Variants in WWC2 observed in about 807,000 individuals in gnomAD.
WWC2 encodes WW and C2 domain containing 2, also known as protein WWC2.
A neutral mutation model predicts 138.5 loss-of-function variants in WWC2; 101 were observed. The observed-to-expected ratio is 0.73, with a 90% confidence interval of 0.62 to 0.86. The LOEUF is 0.86. Ranked by LOEUF, WWC2 falls within the 40% of genes least tolerant of loss-of-function variation. The pLI is 0.00. For missense variants in WWC2, 1,420 were observed against 1,419.4 expected (o/e 1.00, Z -0.01); for synonymous variants, 558 against 538.4 (o/e 1.04, Z -0.50).
At chr4:183,204,750 C>A (rs1735397774) in intron 2 of WWC2, among the ~76,000 whole-genome samples, 1 of 152,174 alleles carries the variant, frequency 6.6e-6, no homozygotes, top group African/African-American at 2.4e-5. Flanking sequence ...AAAGAGCTTT[C>A]TTCTTGCTCT....
chr4:183,114,187 C>T (rs912221151), intron 1 of WWC2, among the ~76,000 whole-genome samples: 4 of 152,104 alleles, frequency 2.6e-5, no homozygotes, highest in African/African-American at 9.7e-5. Flanking sequence ...CTCCTCCCCC[C>T]GCCATCCTCT....
At chr4:183,159,452 C>A (rs531882623) in intron 1 of WWC2, among the ~76,000 whole-genome samples, 37 of 152,152 alleles carry the variant, frequency 2.4e-4, no homozygotes, top group South Asian at 1.5e-3. Flanking sequence ...TCATCCAGGC[C>A]GGAGTACAGT....
chr4:183,134,611 T>C (rs73872924), intron 1 of WWC2, among the ~76,000 whole-genome samples: 17 of 152,308 alleles, frequency 1.1e-4, no homozygotes, highest in African/African-American at 3.4e-4. Context: ...TTTATCTTGT[T>C]GCCTCTTGTT....
chr4:183,163,402 A>G (rs1734016546), intron 1 of WWC2, among the ~76,000 whole-genome samples: 2 of 152,350 alleles, frequency 1.3e-5, no homozygotes, highest in East Asian at 3.9e-4. Flanking sequence ...GCCCATAGCC[A>G]CAGGGGATAG....
In WWC2 at chr4:183,113,509, TGTGTGTGCGCGCGC is replaced by T. The variant is rs1454686240; in HGVS notation, c.131+13891_131+13904del. ...GTGTGTGTGTGTGTGTGTGTGTGTG[TGTGTGTGCGCGCGC>T]GTGCGCGCGCACATGCACGTGCATG... On this transcript the variant is annotated intron_variant, in intron 1 of 22. Coordinates refer to ENST00000403733, the MANE Select transcript of WWC2 (RefSeq NM_024949.6). Among the ~76,000 whole-genome samples the T allele has an allele frequency of 1.1e-3, 160 of 139,750 alleles. 1 individual carries two copies. Among genetic ancestry groups the T allele is most frequent in the East Asian group, 7.7e-3 (38 of 4,944 alleles). The allele number at this position is 139,750 out of a possible 152,430, so 91.7% of individuals were successfully genotyped here.
chr4:183,144,872 G>A (rs1733405580), intron 1 of WWC2, among the ~76,000 whole-genome samples: 1 of 152,170 alleles, frequency 6.6e-6, no homozygotes, highest in Admixed American at 6.6e-5. Context: ...AAAGTGTCAT[G>A]GCAACATCTA....
intron 21 of WWC2, among the ~76,000 whole-genome samples, chr4:183,294,749 T>G (rs1002324174): frequency 3.9e-5 from 4 of 102,806 alleles, no homozygotes; most frequent in Non-Finnish European, 9.3e-5. Flanking sequence ...AAATATACTG[T>G]TTTCCTGAGT....
Position 183,261,106 on chromosome 4 carries a change from G to A in WWC2, c.1483G>A (p.Gly495Ser), listed in dbSNP as rs766065303. 8.7e-6 allele frequency: 14 copies of A among 1,613,962 alleles called. No homozygotes were observed. The highest frequency in any genetic ancestry group is 1.7e-5 in the Admixed American group (1 of 60,016). ...KLDFLLQEKS[G>S]YIPSGPITTI... ...GGACTTCCTTCTGCAAGAGAAAAGC[G>A]GTTACATTCCTTCTGGACCCATCAC... The change falls in exon 11 of 23, where the codon GGT becomes AGT. Residue 495 changes from glycine to serine, a missense_variant. Transcript: ENST00000403733.
At chr4:183,280,141 T>C (rs1738015560) in intron 16 of WWC2, among the ~76,000 whole-genome samples, 1 of 151,416 alleles carries the variant, frequency 6.6e-6, no homozygotes, top group African/African-American at 2.4e-5. Context: ...ACCTGAATCA[T>C]GTGGGGATGT....
rs754928923 is a variant in WWC2, at chr4:183,315,705, A to G, written c.3555A>G (p.Pro1185=). 3.1e-6 allele frequency: 5 copies of G among 1,613,328 alleles called. No individual in the cohort carries two copies. The highest frequency in any genetic ancestry group is 1.3e-5 in the African/African-American group (1 of 74,914). Residue 1185 remains proline (P), a synonymous_variant, in exon 23 of 23, where the codon CCA becomes CCG. Transcript: ENST00000403733. ...AYFTRAKISI[P]SLPADDV Reference sequence around the variant, plus strand: ...TCACCAGAGCAAAGATAAGCATCCCATCCCTGCCAGCTGATGATGTGTGAT... The same window carrying G: ...TCACCAGAGCAAAGATAAGCATCCCGTCCCTGCCAGCTGATGATGTGTGAT...
chr4:183,281,843 T>G (rs1017636345), intron 17 of WWC2, among the ~76,000 whole-genome samples: 2 of 152,218 alleles, frequency 1.3e-5, no homozygotes, highest in Non-Finnish European at 2.9e-5. Context: ...CTTTAAATAG[T>G]AATTCTCATA....
chr4:183,260,061 A>G (rs1037296447), intron 10 of WWC2, among the ~76,000 whole-genome samples: 1 of 152,170 alleles, frequency 6.6e-6, no homozygotes, highest in African/African-American at 2.4e-5. Flanking sequence ...CCTTACATTG[A>G]TGAGAAAAAT....
At chr4:183,144,194 A>G (rs1733384888) in intron 1 of WWC2, among the ~76,000 whole-genome samples, 1 of 152,216 alleles carries the variant, frequency 6.6e-6, no homozygotes, top group Non-Finnish European at 1.5e-5. Context: ...TATTTGAAAA[A>G]TAATCAAGTT....
At position 183,158,073 on chromosome 4, in the gene WWC2, A is replaced by G. The variant is rs1733857560; in HGVS notation, c.132-35526A>G. ...ACTTTGTCTTTTAGGGAGTGATTTT[A>G]GATCAATCTTAGGGCCACATCTAAC... On this transcript the variant is annotated intron_variant, in intron 1 of 22. Coordinates refer to ENST00000403733, the MANE Select transcript of WWC2 (RefSeq NM_024949.6). 3.3e-5 allele frequency among the ~76,000 whole-genome samples: 5 copies of G among 152,050 alleles called. No individual in the cohort carries two copies. The South Asian group carries it at 8.3e-4, about 25-fold the overall frequency.
At chr4:183,250,141 C>G (rs1046763256) in intron 8 of WWC2, 148 bp downstream of exon 8, 13 of 662,306 alleles carry the variant, frequency 2.0e-5, no homozygotes, top group Admixed American at 6.0e-5. Flanking sequence ...GCTGCTTCCT[C>G]TCTGGTCTAC....
At chr4:183,220,634 A>G (rs1046310773) in intron 4 of WWC2, among the ~76,000 whole-genome samples, 2 of 151,974 alleles carry the variant, frequency 1.3e-5, no homozygotes, top group African/African-American at 2.4e-5. Flanking sequence ...GGAGATTGAG[A>G]CCATCCTGGC....
intron 14 of WWC2, among the ~76,000 whole-genome samples, chr4:183,267,656 A>G (rs1011014827): frequency 6.6e-6 from 1 of 152,200 alleles, no homozygotes. Flanking sequence ...ACCTCATAGG[A>G]TGTCACCAAG....
intron 1 of WWC2, among the ~76,000 whole-genome samples, chr4:183,124,534 C>CT (rs1732699153): frequency 7.1e-6 from 1 of 140,888 alleles, no homozygotes; most frequent in Admixed American, 7.0e-5. Flanking sequence ...TTTCCTTTTT[C>CT]TCTTTTTTTT....
At chr4:183,155,288 CG>C (rs1344664209) in intron 1 of WWC2, among the ~76,000 whole-genome samples, 1 of 150,834 alleles carries the variant, frequency 6.6e-6, no homozygotes, top group East Asian at 2.0e-4. Context: ...CTTTGAGGAT[CG>C]GCAGGCAAAG....
Sources: allele counts gnomAD v4.1 joint callset (sites outside exome capture counted in the v4.1 genomes callset), GRCh38; gene constraint gnomAD v4.1.1; transcripts MANE v1.5; gene names NCBI Gene and HGNC (gene_info 2026-07-23, HGNC 2026-07-21).